The following GPR39 variants were observed in gnomAD, a reference collection of about 807,000 sequenced individuals.
The protein encoded by GPR39 is G protein-coupled receptor 39.
GPR39 carries 23 observed loss-of-function variants against 18.4 expected under a neutral mutation model. The observed-to-expected ratio is 1.25, with a 90% CI of 0.90 to 1.77. The LOEUF is 1.77. Ranked by LOEUF, GPR39 falls within the 40% of genes most tolerant of loss-of-function variation. The pLI is 0.00. For missense variants in GPR39, 647 were observed against 602.4 expected (o/e 1.07, Z -0.78); for synonymous variants, 280 against 257.9 (o/e 1.09, Z -0.82).
intron 1 of GPR39, among the ~76,000 whole-genome samples, chr2:132,587,350 T>C (rs1003926834): frequency 3.5e-4 from 54 of 152,218 alleles, no homozygotes; most frequent in Non-Finnish European, 4.4e-5. Flanking sequence ...GATTACTCTC[T>C]GTCATAATAG....
At chr2:132,423,316 G>A (rs1680050350) in intron 1 of GPR39, among the ~76,000 whole-genome samples, 1 of 150,116 alleles carries the variant, frequency 6.7e-6, no homozygotes, top group African/African-American at 2.5e-5. Flanking sequence ...GGTGTCTCTT[G>A]CTCTTCTTAT....
chr2:132,573,996 C>T (rs1201929787), intron 1 of GPR39, among the ~76,000 whole-genome samples: 1 of 152,218 alleles, frequency 6.6e-6, no homozygotes, highest in Admixed American at 6.5e-5. Flanking sequence ...TTTTAATTGA[C>T]ATAACTTTGT....
At chr2:132,427,169 A>ATT (rs541308673) in intron 1 of GPR39, among the ~76,000 whole-genome samples, 2,923 of 105,832 alleles carry the variant, frequency 0.028, 225 homozygotes, top group African/African-American at 0.11. Flanking sequence ...TATATATGAA[A>ATT]TTTTTTTTTT....
At chr2:132,504,338 G>A (rs4465819) in intron 1 of GPR39, among the ~76,000 whole-genome samples, 74,698 of 152,010 alleles carry the variant, frequency 0.49, 19,147 homozygotes, top group African/African-American at 0.53. Flanking sequence ...ACTGGCAAGA[G>A]ATGCCCCTCA....
intron 1 of GPR39, among the ~76,000 whole-genome samples, chr2:132,525,308 C>T (rs1424457387): frequency 6.6e-6 from 1 of 152,158 alleles, no homozygotes; most frequent in Non-Finnish European, 1.5e-5. Context: ...AGACTCAATG[C>T]CCTCATCTGT....
At chr2:132,423,410 A>G (rs897929039) in intron 1 of GPR39, among the ~76,000 whole-genome samples, 2 of 152,156 alleles carry the variant, frequency 1.3e-5, no homozygotes, top group African/African-American at 4.8e-5. Context: ...CAATCTCCAA[A>G]TACAATCACA....
chr2:132,581,386 T>C (rs952612370), intron 1 of GPR39, among the ~76,000 whole-genome samples: 5 of 151,110 alleles, frequency 3.3e-5, no homozygotes, highest in Non-Finnish European at 5.9e-5. Context: ...TTAGCAAAAC[T>C]CTTAGTAGGT....
At chr2:132,589,595 G>A (rs1680793289) in intron 1 of GPR39, among the ~76,000 whole-genome samples, 1 of 152,220 alleles carries the variant, frequency 6.6e-6, no homozygotes, top group Non-Finnish European at 1.5e-5. Flanking sequence ...TCTGGGCTGT[G>A]TGTGCAGAAG....
Position 132,628,838 on chromosome 2 carries a change from T to TTTTCC in GPR39, c.857-16263_857-16262insTTTCC, listed in dbSNP as rs1478643889. 1.0e-3 allele frequency among the ~76,000 whole-genome samples: 152 copies of TTTTCC among 152,302 alleles called. 2 individuals carry two copies. The highest frequency in any genetic ancestry group is 3.5e-3 in the African/African-American group (144 of 41,558). ...GAGGATAAGACCTTGGCACACACTT[T>TTTTCC]AATGAGATTCAGTTTTTTCCATATT... On this transcript the variant is annotated intron_variant, in intron 1 of 1. Coordinates refer to ENST00000329321, the MANE Select transcript of GPR39 (RefSeq NM_001508.3).
chr2:132,603,065 T>C (rs993048515), intron 1 of GPR39, among the ~76,000 whole-genome samples: 1 of 151,996 alleles, frequency 6.6e-6, no homozygotes, highest in Non-Finnish European at 1.5e-5. Context: ...ATTCAGGTTA[T>C]CAAAGAGAGA....
intron 1 of GPR39, among the ~76,000 whole-genome samples, chr2:132,617,559 A>G (rs1303512563): frequency 6.6e-6 from 1 of 152,100 alleles, no homozygotes; most frequent in Non-Finnish European, 1.5e-5. Flanking sequence ...TCATTCCCTT[A>G]GTCTATTTTT....
At chr2:132,635,422 C>CT (rs1316562117) in intron 1 of GPR39, among the ~76,000 whole-genome samples, 1 of 152,118 alleles carries the variant, frequency 6.6e-6, no homozygotes, top group East Asian at 1.9e-4. Flanking sequence ...TAGAAGGGAA[C>CT]TTGATGTAGA....
chr2:132,597,550 G>A (rs1011246527), intron 1 of GPR39, among the ~76,000 whole-genome samples: 1 of 152,188 alleles, frequency 6.6e-6, no homozygotes, highest in Non-Finnish European at 1.5e-5. Context: ...CACTTGTCAA[G>A]TAGAGAAGGA....
At chr2:132,544,764 A>G (rs766019099) in intron 1 of GPR39, among the ~76,000 whole-genome samples, 3 of 152,286 alleles carry the variant, frequency 2.0e-5, no homozygotes, top group Non-Finnish European at 4.4e-5. Flanking sequence ...TTATACTGAC[A>G]ATCCAAAGGG....
At chr2:132,481,992 A>G (rs1437121362) in intron 1 of GPR39, among the ~76,000 whole-genome samples, 1 of 152,186 alleles carries the variant, frequency 6.6e-6, no homozygotes, top group African/African-American at 2.4e-5. Context: ...AGCAGACGGG[A>G]GCTGAACATC....
intron 1 of GPR39, among the ~76,000 whole-genome samples, chr2:132,490,692 G>A (rs1034781896): frequency 2.6e-5 from 4 of 151,906 alleles, no homozygotes; most frequent in African/African-American, 9.7e-5. Context: ...GGCCTCAGAG[G>A]CCAGATGATG....
Position 132,645,413 on chromosome 2 carries a change from G to A in GPR39, c.1169G>A (p.Arg390His). The change falls in exon 2 of 2, where the codon CGC becomes CAC. Residue 390 changes from arginine to histidine, a missense_variant. Arg to His is a conservative substitution (Grantham distance 29). Transcript: ENST00000329321. The part of the protein sequence containing the change: ...STTDSARFVQ[R>H]PLLFASRRQS... The stretch of plus-strand genomic sequence containing the variant: ...ACCGACAGCGCCCGCTTTGTGCAGC[G>A]CCCGTTGCTCTTCGCGTCCCGGCGC... 3.7e-6 allele frequency: 6 copies of A among 1,613,502 alleles called. No individual in the cohort carries two copies. The highest frequency in any genetic ancestry group is 5.1e-6 in the Non-Finnish European group (6 of 1,180,014).
intron 1 of GPR39, among the ~76,000 whole-genome samples, chr2:132,493,075 A>ACATATATAC (rs200147915): frequency 0.94 from 127,287 of 135,272 alleles, 60,433 homozygotes; most frequent in Middle Eastern, 1. Context: ...TATATATACC[A>ACATATATAC]CATATATACC....
chr2:132,521,385 A>G (rs1231248974), intron 1 of GPR39, among the ~76,000 whole-genome samples: 1 of 152,172 alleles, frequency 6.6e-6, no homozygotes, highest in African/African-American at 2.4e-5. Flanking sequence ...TCCTGGCATT[A>G]ACACTCTTTG....
Sources: gnomAD v4.1 joint callset for allele counts (sites outside exome capture counted in the v4.1 genomes callset) on GRCh38, gnomAD v4.1.1 for gene constraint, MANE v1.5 for transcripts, NCBI Gene and HGNC (gene_info 2026-07-23, HGNC 2026-07-21) for gene names.